The following HOOK1 variants were observed in gnomAD, a reference collection of about 807,000 sequenced individuals.
HOOK1 encodes hook microtubule tethering protein 1, also known as protein Hook homolog 1.
Under a neutral mutation model 112.8 loss-of-function variants are expected in HOOK1, and 60 were observed. That is an observed-to-expected ratio of 0.53 (90% CI 0.43 to 0.66). HOOK1 has a LOEUF of 0.66. Ranked by LOEUF, HOOK1 falls within the 30% of genes least tolerant of loss-of-function variation. The pLI, the probability that HOOK1 is intolerant of heterozygous loss-of-function variation, is 0.00. For missense variants in HOOK1, 770 were observed against 856.0 expected (o/e 0.90, Z 1.25); for synonymous variants, 294 against 283.8 (o/e 1.04, Z -0.36).
chr1:59,844,496 T>C (rs2098402624), intron 9 of HOOK1, among the ~76,000 whole-genome samples: 1 of 151,978 alleles, frequency 6.6e-6, no homozygotes, highest in African/African-American at 2.4e-5. Context: ...ACTATGGTTT[T>C]AGAGTATGAC....
chr1:59,843,470 T>C lies in HOOK1; in HGVS notation c.660T>C (p.Ser220=), dbSNP rs751321723. 6.2e-7 allele frequency: 1 copy of C among 1,611,156 alleles called. No homozygotes were observed. ...AAGATGAAAAGAATTCACTGGTTTCTGAAAATGAGATGATGAATGAAAAAC... is the reference window on the plus strand; with the variant it reads ...AAGATGAAAAGAATTCACTGGTTTCCGAAAATGAGATGATGAATGAAAAAC... The part of the protein sequence containing the change: ...TLQDEKNSLV[S]ENEMMNEKLD... The change falls in exon 9 of 22, where the codon TCT becomes TCC. Residue 220 remains serine, a synonymous_variant. Transcript: ENST00000371208.
rs778491301 is a variant in HOOK1, at chr1:59,858,976, A to AT, written c.1331-3dup. On this transcript the variant is annotated splice_polypyrimidine_tract_variant and intron_variant, in intron 13 of 21. Coordinates refer to ENST00000371208, the MANE Select transcript of HOOK1 (RefSeq NM_015888.6). Reference sequence around the variant, plus strand: ...CTGAAATGCTAATTTATTTTTTGTTATTTTTTAGATGCATCTGCTACAAAA... The same window carrying AT: ...CTGAAATGCTAATTTATTTTTTGTTATTTTTTTAGATGCATCTGCTACAAAA... The AT allele has an allele frequency of 2.0e-5, 30 of 1,521,352 alleles. No individual in the cohort carries two copies. The East Asian group carries it at 2.1e-4, about 10-fold the overall frequency. The allele number at this position is 1,521,352 out of a possible 1,614,324, so 94.2% of individuals were successfully genotyped here.
In HOOK1 at chr1:59,855,978, ATATATATTTTTTTTTTT is replaced by A. The variant is rs1559058049; in HGVS notation, c.1243-2448_1243-2432del. ...TATATATAAATTATTATATATATATATATATATTTTTTTTTTTTTTTTTTTTTTTTTTGTAGAGACAG... is the reference window on the plus strand; with the variant it reads ...TATATATAAATTATTATATATATATATTTTTTTTTTTTTTTGTAGAGACAG... On this transcript the variant is annotated intron_variant, in intron 12 of 21. Transcript: ENST00000371208. Among the ~76,000 whole-genome samples, 6 of 70,638 alleles carry A rather than the reference ATATATATTTTTTTTTTT, an allele frequency of 8.5e-5. No homozygotes were observed. In the East Asian group the frequency reaches 1.8e-3, roughly 21 times the overall value. The allele number at this position is 70,638 out of a possible 152,430, so 46.3% of individuals were successfully genotyped here.
At chr1:59,870,023 A>G (rs549646455) in intron 20 of HOOK1, among the ~76,000 whole-genome samples, 158 of 152,292 alleles carry the variant, frequency 1.0e-3, no homozygotes, top group Middle Eastern at 3.4e-3. Flanking sequence ...CCAGGGTTGC[A>G]GCATTATTAG....
Position 59,874,674 on chromosome 1 carries a change from CAA to C in HOOK1, c.*1711_*1712del, listed in dbSNP as rs1202737115. The C allele has an allele frequency of 6.6e-6, 1 of 152,172 alleles. No individual in the cohort carries two copies. Among genetic ancestry groups the C allele is most frequent in the African/African-American group, 2.4e-5 (1 of 41,438 alleles). The allele number at this position is 152,172 out of a possible 1,614,324, so 9.4% of individuals were successfully genotyped here. On this transcript the variant is annotated 3_prime_UTR_variant, in exon 22 of 22. Coordinates refer to ENST00000371208, the MANE Select transcript of HOOK1 (RefSeq NM_015888.6). ...TTGTATTTCAGTAAAACTTTATTTA[CAA>C]AGACAGGCGGTAGGCCAGATTTGGC...
chr1:59,833,603 T>C lies in HOOK1; in HGVS notation c.406+66T>C. The C allele has an allele frequency of 3.1e-6, 4 of 1,306,654 alleles. No individual in the cohort carries two copies. In the South Asian group the frequency reaches 7.6e-5, roughly 25 times the overall value. The allele number at this position is 1,306,654 out of a possible 1,614,324, so 80.9% of individuals were successfully genotyped here. On this transcript the variant is annotated intron_variant, in intron 5 of 21. Coordinates refer to ENST00000371208, the MANE Select transcript of HOOK1 (RefSeq NM_015888.6). ...AAACTTTCTACATTGCTATATAAGCTAGCATTAAATCATACTATTAAAGCT... is the reference window on the plus strand; with the variant it reads ...AAACTTTCTACATTGCTATATAAGCCAGCATTAAATCATACTATTAAAGCT...
At chr1:59,843,291 C>T in intron 8 of HOOK1, 141 bp from the exon 9 acceptor site, 1 of 486,020 alleles carries the variant, frequency 2.1e-6, no homozygotes, top group Non-Finnish European at 3.6e-6. Flanking sequence ...CAGAAGGATC[C>T]TTAGAACTCA....
At chr1:59,869,815 T>C (rs1269134110) in intron 20 of HOOK1, among the ~76,000 whole-genome samples, 1 of 152,196 alleles carries the variant, frequency 6.6e-6, no homozygotes, top group African/African-American at 2.4e-5. Flanking sequence ...CAAATATCTC[T>C]TTATTAAACT....
Position 59,875,776 on chromosome 1 carries a change from TGAG to T in HOOK1, c.*2814_*2816del, listed in dbSNP as rs1644119944. On this transcript the variant is annotated 3_prime_UTR_variant, in exon 22 of 22. Coordinates refer to ENST00000371208, the MANE Select transcript of HOOK1 (RefSeq NM_015888.6). Reference sequence around the variant, plus strand: ...TCTATGTTGAGATTAACTTATGTATTGAGGAAAATTTGAAGTTTATTTTTTCGA... The same window carrying T: ...TCTATGTTGAGATTAACTTATGTATTGAAAATTTGAAGTTTATTTTTTCGA... 2 of 152,222 alleles carry T rather than the reference TGAG, an allele frequency of 1.3e-5. No individual in the cohort carries two copies. The highest frequency in any genetic ancestry group is 2.9e-5 in the Non-Finnish European group (2 of 68,016). The allele number at this position is 152,222 out of a possible 1,614,324, so 9.4% of individuals were successfully genotyped here.
chr1:59,826,762 G>A (rs994082196), intron 2 of HOOK1, among the ~76,000 whole-genome samples: 2 of 152,112 alleles, frequency 1.3e-5, no homozygotes, highest in Non-Finnish European at 2.9e-5. Context: ...CACACATGCA[G>A]ATTCTTTTTC....
At chr1:59,855,966 T>TATATATATATATA (rs1553464155) in intron 12 of HOOK1, among the ~76,000 whole-genome samples, 3 of 71,260 alleles carry the variant, frequency 4.2e-5, no homozygotes, top group East Asian at 7.1e-4. Flanking sequence ...ATATAAATTA[T>TATATATATATATA]TATATATATA....
rs2098380193 is a variant in HOOK1, at chr1:59,815,138, G to T, written c.21G>T (p.Pro7=). The T allele has an allele frequency of 6.5e-7, 1 of 1,542,580 alleles. No homozygotes were observed. Among genetic ancestry groups the T allele is most frequent in the African/African-American group, 1.4e-5 (1 of 73,150 alleles). Residue 7 remains proline, a synonymous_variant, in exon 1 of 22, where the codon CCG becomes CCT. Coordinates refer to ENST00000371208, the MANE Select transcript of HOOK1 (RefSeq NM_015888.6). ...CGGCCATGGAGGAGACGCAGCCGCCGCCGCAGCCTAAGCTGCCCCTGTGCG... is the reference window on the plus strand; with the variant it reads ...CGGCCATGGAGGAGACGCAGCCGCCTCCGCAGCCTAAGCTGCCCCTGTGCG... MEETQP[P]PQPKLPLCDS...
intron 20 of HOOK1, among the ~76,000 whole-genome samples, chr1:59,870,403 T>G (rs894521619): frequency 3.9e-5 from 6 of 152,194 alleles, no homozygotes; most frequent in African/African-American, 1.2e-4. Flanking sequence ...CTGGAGTGAA[T>G]GTGAGTCTGA....
At chr1:59,844,097 G>A (rs2098402406) in intron 9 of HOOK1, among the ~76,000 whole-genome samples, 2 of 151,834 alleles carry the variant, frequency 1.3e-5, no homozygotes, top group African/African-American at 4.8e-5. Flanking sequence ...CACTCTAATT[G>A]TACTATACAT....
At chr1:59,846,065 C>A (rs767428870) in intron 9 of HOOK1, among the ~76,000 whole-genome samples, 20 of 151,654 alleles carry the variant, frequency 1.3e-4, no homozygotes, top group Non-Finnish European at 3.0e-4. Context: ...TTTCCTATTT[C>A]ATCTTGTGTT....
At chr1:59,831,994 T>C (rs189490065) in intron 3 of HOOK1, among the ~76,000 whole-genome samples, 169 bp from the exon 4 acceptor site, 18 of 152,212 alleles carry the variant, frequency 1.2e-4, no homozygotes, top group African/African-American at 4.3e-4. Flanking sequence ...AAACACTGAT[T>C]AAATCTCTGA....
At chr1:59,872,597 A>G (rs1644073270) in intron 21 of HOOK1, among the ~76,000 whole-genome samples, 198 bp from the exon 22 acceptor site, 1 of 152,220 alleles carries the variant, frequency 6.6e-6, no homozygotes. Flanking sequence ...GATTAAATAG[A>G]GAAAATGGAT....
chr1:59,843,298 C>T, intron 8 of HOOK1, 134 bp from the exon 9 acceptor site: 1 of 493,966 alleles, frequency 2.0e-6, no homozygotes, highest in Non-Finnish European at 3.5e-6. Context: ...ATCCTTAGAA[C>T]TCATCTAGTA....
At chr1:59,835,477 CT>C in intron 6 of HOOK1, 65 bp downstream of exon 6, 1 of 884,706 alleles carries the variant, frequency 1.1e-6, no homozygotes, top group Non-Finnish European at 1.8e-6. Context: ...ACTTTTCATA[CT>C]TTATGCTTTT....
Sources: gnomAD v4.1 joint callset for allele counts (sites outside exome capture counted in the v4.1 genomes callset) on GRCh38, gnomAD v4.1.1 for gene constraint, MANE v1.5 for transcripts, NCBI Gene and HGNC (gene_info 2026-07-23, HGNC 2026-07-21) for gene names.